C8A: variants seen among roughly 807,000 people sequenced by gnomAD.
The protein encoded by C8A is complement component C8 alpha chain.
Under a neutral mutation model 65.3 loss-of-function variants are expected in C8A, and 67 were observed. That is an observed-to-expected ratio of 1.03 (90% CI 0.84 to 1.26). C8A has a LOEUF of 1.26. Among genes scored for constraint, C8A ranks in the 50% most tolerant of loss-of-function variants. The pLI, the probability that C8A is intolerant of heterozygous loss-of-function variation, is 0.00. For synonymous variants in C8A, 290 were observed against 259.4 expected (o/e 1.12, Z -1.13); for missense variants, 781 against 723.9 (o/e 1.08, Z -0.90).
At chr1:56,898,282 A>G (rs1644400796) in intron 7 of C8A, among the ~76,000 whole-genome samples, 1 of 152,076 alleles carries the variant, frequency 6.6e-6, no homozygotes, top group Non-Finnish European at 1.5e-5. Context: ...CCTCTCAGAA[A>G]CCACAGAGAG....
intron 7 of C8A, among the ~76,000 whole-genome samples, chr1:56,887,179 T>A (rs567610092): frequency 6.6e-6 from 1 of 152,192 alleles, no homozygotes; most frequent in South Asian, 2.1e-4. Flanking sequence ...AACACATACA[T>A]AAAATTCCAC....
intron 7 of C8A, among the ~76,000 whole-genome samples, chr1:56,903,121 G>A (rs620709): frequency 0.77 from 117,739 of 152,124 alleles, 46,161 homozygotes; most frequent in East Asian, 1. Flanking sequence ...AGTTTTCCCA[G>A]TTCAGTCTCA....
At chr1:56,867,512 C>G in intron 1 of C8A, 97 bp from the exon 2 acceptor site, 1 of 843,698 alleles carries the variant, frequency 1.2e-6, no homozygotes, top group South Asian at 1.4e-5. Flanking sequence ...CTCATTTCTT[C>G]CAAACCATGT....
rs1426499953 is a variant in C8A, at chr1:56,917,950, G to C, written c.*234G>C. 1.9e-6 allele frequency: 1 copy of C among 524,544 alleles called. No individual in the cohort carries two copies. Among genetic ancestry groups the C allele is most frequent in the Non-Finnish European group, 3.4e-6 (1 of 291,362 alleles). The allele number at this position is 524,544 out of a possible 1,614,324, so 32.5% of individuals were successfully genotyped here. The stretch of plus-strand genomic sequence containing the variant: ...ATGTTGACTGTTAACTAGAAGCTCT[G>C]TCCTACTTACAGCACTTTGGATCAT... On this transcript the variant is annotated 3_prime_UTR_variant, in exon 11 of 11. Coordinates refer to ENST00000361249, the MANE Select transcript of C8A (RefSeq NM_000562.3).
intron 2 of C8A, among the ~76,000 whole-genome samples, chr1:56,868,909 C>T (rs924855201): frequency 6.6e-6 from 1 of 152,178 alleles, no homozygotes; most frequent in Non-Finnish European, 1.5e-5. Flanking sequence ...TATAAAAGTA[C>T]CTACTTTCTA....
intron 7 of C8A, among the ~76,000 whole-genome samples, chr1:56,906,041 A>G (rs1031065662): frequency 2.0e-5 from 3 of 152,210 alleles, no homozygotes; most frequent in Admixed American, 2.0e-4. Context: ...TCTGAAGGGC[A>G]GGTAAACTTT....
intron 1 of C8A, among the ~76,000 whole-genome samples, chr1:56,855,912 A>G (rs1216107745): frequency 6.6e-6 from 1 of 152,136 alleles, no homozygotes; most frequent in Non-Finnish European, 1.5e-5. Context: ...AAGGAAATAC[A>G]ATTTTGAAAT....
intron 1 of C8A, among the ~76,000 whole-genome samples, chr1:56,858,585 T>C (rs1056754371): frequency 2.0e-5 from 3 of 152,230 alleles, no homozygotes; most frequent in Non-Finnish European, 4.4e-5. Context: ...CCTTTTTATT[T>C]TATTGCTTTT....
At chr1:56,879,185 A>T (rs1050870303) in intron 4 of C8A, among the ~76,000 whole-genome samples, 1 of 152,160 alleles carries the variant, frequency 6.6e-6, no homozygotes, top group Non-Finnish European at 1.5e-5. Context: ...ATTAAAAAAA[A>T]ATTTCCAACT....
intron 1 of C8A, among the ~76,000 whole-genome samples, chr1:56,858,877 A>G (rs1196253655): frequency 6.6e-6 from 1 of 152,220 alleles, no homozygotes. Flanking sequence ...CGTAGTGGCT[A>G]TGGAAGTTGC....
chr1:56,905,321 G>T (rs1005383716), intron 7 of C8A, among the ~76,000 whole-genome samples: 2 of 152,168 alleles, frequency 1.3e-5, no homozygotes, highest in African/African-American at 4.8e-5. Flanking sequence ...GGCCCAGTGG[G>T]ATCATGGGCC....
At chr1:56,888,921 G>A (rs554334694) in intron 7 of C8A, among the ~76,000 whole-genome samples, 2 of 152,190 alleles carry the variant, frequency 1.3e-5, no homozygotes, top group African/African-American at 4.8e-5. Flanking sequence ...CCAGAATCTG[G>A]GGTCAGAGCC....
chr1:56,915,896 G>A (rs886906806), intron 10 of C8A, among the ~76,000 whole-genome samples: 10 of 152,294 alleles, frequency 6.6e-5, no homozygotes, highest in Admixed American at 6.5e-5. Context: ...TTGGGGAGTG[G>A]AAAGTGGGGT....
intron 7 of C8A, among the ~76,000 whole-genome samples, chr1:56,887,754 C>T (rs80105217): frequency 5.9e-5 from 9 of 152,076 alleles, no homozygotes; most frequent in African/African-American, 2.2e-4. Context: ...CAATAATAGA[C>T]TGGATAAAGA....
chr1:56,899,161 C>T (rs1644406771), intron 7 of C8A, among the ~76,000 whole-genome samples: 1 of 152,086 alleles, frequency 6.6e-6, no homozygotes, highest in South Asian at 2.1e-4. Flanking sequence ...CTTAAGTCAT[C>T]TGCATATACA....
chr1:56,857,305 C>G (rs1015724455), intron 1 of C8A, among the ~76,000 whole-genome samples: 2 of 148,190 alleles, frequency 1.3e-5, no homozygotes, highest in South Asian at 2.1e-4. Flanking sequence ...TTATTAAATA[C>G]ACACACACAC....
chr1:56,908,152 A>G (rs756503173), intron 9 of C8A, 39 bp downstream of exon 9: 1 of 1,595,672 alleles, frequency 6.3e-7, no homozygotes, highest in African/African-American at 1.3e-5. Flanking sequence ...TACGTCCATG[A>G]GGAATGAAAG....
intron 7 of C8A, among the ~76,000 whole-genome samples, chr1:56,889,274 C>T (rs1041758619): frequency 3.3e-5 from 5 of 152,054 alleles, no homozygotes; most frequent in East Asian, 1.9e-4. Flanking sequence ...TGCTGGAGAC[C>T]GCTAATAAAT....
chr1:56,891,712 A>G (rs972606659), intron 7 of C8A, among the ~76,000 whole-genome samples: 1 of 152,144 alleles, frequency 6.6e-6, no homozygotes, highest in Non-Finnish European at 1.5e-5. Context: ...ATAGACACAC[A>G]TAAGTGTGTG....
Sources: allele counts gnomAD v4.1 joint callset (sites outside exome capture counted in the v4.1 genomes callset), GRCh38; gene constraint gnomAD v4.1.1; transcripts MANE v1.5; gene names NCBI Gene and HGNC (gene_info 2026-07-23, HGNC 2026-07-21).